The following MARCHF6 variants were observed in gnomAD, a reference collection of about 807,000 sequenced individuals.
The protein encoded by MARCHF6 is membrane associated ring-CH-type finger 6, also known as E3 ubiquitin-protein ligase MARCHF6.
MARCHF6 carries 31 observed loss-of-function variants against 133.7 expected under a neutral mutation model. The ratio of observed to expected loss-of-function variants is 0.23; its 90% confidence interval spans 0.17 to 0.31. The LOEUF (loss-of-function observed/expected upper bound fraction) is 0.31. Among genes scored for constraint, MARCHF6 ranks in the 10% least tolerant of loss-of-function variants. The pLI is 1.00. For missense variants in MARCHF6, 723 were observed against 1,121.6 expected (o/e 0.64, Z 5.08); for synonymous variants, 395 against 402.5 (o/e 0.98, Z 0.22).
At chr5:10,366,084 T>G (rs1260528069) in intron 1 of MARCHF6, among the ~76,000 whole-genome samples, 2 of 152,130 alleles carry the variant, frequency 1.3e-5, no homozygotes, top group African/African-American at 4.8e-5. Flanking sequence ...AGGCGTGTGC[T>G]GCCATACCTG....
At chr5:10,368,056 A>C (rs1736240049) in intron 1 of MARCHF6, among the ~76,000 whole-genome samples, 1 of 152,130 alleles carries the variant, frequency 6.6e-6, no homozygotes, top group South Asian at 2.1e-4. Flanking sequence ...CACAGAACCT[A>C]CTTCGGTGGT....
chr5:10,391,165 C>T lies in MARCHF6; in HGVS notation c.577-377C>T, dbSNP rs188747531. Among the ~76,000 whole-genome samples, 400 of 152,210 alleles carry T rather than the reference C, an allele frequency of 2.6e-3. 1 individual carries two copies. The highest frequency in any genetic ancestry group is 0.01 in the Middle Eastern group (3 of 294). On this transcript the variant is annotated intron_variant, in intron 6 of 25. Transcript: ENST00000274140. ...TTTGGTTTTTTGAGATTGGCTCTTG[C>T]TCTGTCACTCAGGCTGGAGGGCAGT... is the stretch of plus-strand genomic sequence containing the variant.
intron 1 of MARCHF6, among the ~76,000 whole-genome samples, chr5:10,375,195 G>A (rs530852244): frequency 2.4e-4 from 37 of 152,324 alleles, no homozygotes; most frequent in African/African-American, 5.5e-4. Flanking sequence ...TGCGTGCAGC[G>A]CTTGCGGGCC....
chr5:10,374,009 T>C (rs1006600410), intron 1 of MARCHF6, among the ~76,000 whole-genome samples: 2 of 151,132 alleles, frequency 1.3e-5, no homozygotes, highest in Non-Finnish European at 2.9e-5. Flanking sequence ...CCTGTCACTC[T>C]TAGGTGGCAG....
At chr5:10,386,399 C>T (rs895235436) in intron 4 of MARCHF6, among the ~76,000 whole-genome samples, 8 of 152,224 alleles carry the variant, frequency 5.3e-5, no homozygotes, top group Admixed American at 3.9e-4. Flanking sequence ...TTCTGCTTTC[C>T]TGACTAAAAG....
chr5:10,393,989 GTACTAAATTT>G, intron 7 of MARCHF6, 83 bp from the exon 8 acceptor site: 1 of 639,786 alleles, frequency 1.6e-6, no homozygotes, highest in Non-Finnish European at 2.5e-6. Flanking sequence ...AGCTTACAAA[GTACTAAATTT>G]TACTATTTTT....
In MARCHF6 at chr5:10,383,651, G is replaced by T. The variant is rs535568967; in HGVS notation, c.334+1708G>T. ...TACAGATGTTTCAATGGATGTGAGG[G>T]ATTGGAAAGTTTACTACCTTAAACC... On this transcript the variant is annotated intron_variant, in intron 4 of 25. Coordinates refer to ENST00000274140, the MANE Select transcript of MARCHF6 (RefSeq NM_005885.4). Among the ~76,000 whole-genome samples, 9 of 152,298 alleles carry T rather than the reference G, an allele frequency of 5.9e-5. No individual in the cohort carries two copies. The South Asian group carries it at 1.9e-3, about 32-fold the overall frequency.
chr5:10,391,869 A>C (rs1000996195), intron 7 of MARCHF6, 138 bp downstream of exon 7: 8 of 895,714 alleles, frequency 8.9e-6, no homozygotes, highest in African/African-American at 1.7e-5. Flanking sequence ...TATTTTGGCA[A>C]ACTGGCATTT....
At chr5:10,396,909 G>T (rs2640711) in intron 9 of MARCHF6, among the ~76,000 whole-genome samples, 1 of 151,990 alleles carries the variant, frequency 6.6e-6, no homozygotes, top group African/African-American at 2.4e-5. Context: ...TGCAGTTGAC[G>T]TTAACATGAT....
At chr5:10,405,861 T>C (rs1738853590) in intron 16 of MARCHF6, among the ~76,000 whole-genome samples, 184 bp downstream of exon 16, 1 of 152,232 alleles carries the variant, frequency 6.6e-6, no homozygotes, top group East Asian at 1.9e-4. Flanking sequence ...AAAATAAATA[T>C]GTAAAAAGAT....
At chr5:10,406,610 G>A (rs979864384) in intron 16 of MARCHF6, among the ~76,000 whole-genome samples, 6 of 151,946 alleles carry the variant, frequency 3.9e-5, no homozygotes, top group East Asian at 1.9e-4. Flanking sequence ...GGTTGGTCTC[G>A]AACTCCTGAC....
intron 16 of MARCHF6, 148 bp downstream of exon 16, chr5:10,405,825 G>GTAGCTGT (rs1341328134): frequency 1.7e-6 from 1 of 597,608 alleles, no homozygotes; most frequent in Non-Finnish European, 2.6e-6. Context: ...CAGTTGTCAA[G>GTAGCTGT]TAGCTGTGTT....
intron 24 of MARCHF6, among the ~76,000 whole-genome samples, chr5:10,427,477 G>A (rs1213189933): frequency 6.6e-6 from 1 of 152,082 alleles, no homozygotes; most frequent in South Asian, 2.1e-4. Flanking sequence ...CTCACTCCAT[G>A]TCATATACTC....
At chr5:10,431,052 C>T (rs971842670) in intron 25 of MARCHF6, among the ~76,000 whole-genome samples, 7 of 152,210 alleles carry the variant, frequency 4.6e-5, no homozygotes, top group African/African-American at 1.7e-4. Context: ...ACACTACCCC[C>T]TTTTACTTGT....
intron 25 of MARCHF6, among the ~76,000 whole-genome samples, chr5:10,431,038 A>G (rs1740335825): frequency 6.6e-6 from 1 of 152,224 alleles, no homozygotes; most frequent in South Asian, 2.1e-4. Flanking sequence ...CCTTTGTGTC[A>G]TTAACACTAC....
At chr5:10,356,556 C>T (rs1463219660) in intron 1 of MARCHF6, among the ~76,000 whole-genome samples, 2 of 151,758 alleles carry the variant, frequency 1.3e-5, no homozygotes, top group African/African-American at 4.8e-5. Flanking sequence ...CCACCTCCCT[C>T]TGCTAATTTT....
chr5:10,376,728 A>G (rs1297988034), intron 1 of MARCHF6, among the ~76,000 whole-genome samples: 1 of 152,206 alleles, frequency 6.6e-6, no homozygotes, highest in Non-Finnish European at 1.5e-5. Flanking sequence ...AAGAGTAGCC[A>G]CAGGCCTGTG....
intron 1 of MARCHF6, among the ~76,000 whole-genome samples, chr5:10,358,891 T>C (rs1024503454): frequency 1.3e-5 from 2 of 152,212 alleles, no homozygotes; most frequent in Non-Finnish European, 1.5e-5. Flanking sequence ...TAATGGAGAC[T>C]GTACATGGCA....
chr5:10,391,273 A>G (rs1232196002), intron 6 of MARCHF6, among the ~76,000 whole-genome samples: 3 of 151,986 alleles, frequency 2.0e-5, no homozygotes, highest in Admixed American at 6.6e-5. Context: ...AGCTGGGACT[A>G]TAGGCGCAAA....
Sources: gnomAD v4.1 joint callset for allele counts (sites outside exome capture counted in the v4.1 genomes callset) on GRCh38, gnomAD v4.1.1 for gene constraint, MANE v1.5 for transcripts, NCBI Gene and HGNC (gene_info 2026-07-23, HGNC 2026-07-21) for gene names.